Variants in SORCS2 observed in about 807,000 individuals in gnomAD.
SORCS2 encodes sortilin related VPS10 domain containing receptor 2.
A neutral mutation model predicts 141.6 loss-of-function variants in SORCS2; 100 were observed. The observed-to-expected ratio is 0.71, with a 90% CI of 0.60 to 0.83. The LOEUF (loss-of-function observed/expected upper bound fraction) is 0.83, where lower values mean the gene tolerates loss of function less well. Ranked by LOEUF, SORCS2 falls within the 40% of genes least tolerant of loss-of-function variation. The probability of loss-of-function intolerance (pLI) is 0.00; values close to 1 mark genes in which losing one functional copy is unlikely to be tolerated. For synonymous variants in SORCS2, 789 were observed against 676.9 expected (o/e 1.17, Z -2.57); for missense variants, 1,646 against 1,560.2 (o/e 1.05, Z -0.93).
chr4:7,716,647 A>G (rs1726211877), intron 17 of SORCS2, among the ~76,000 whole-genome samples: 1 of 151,512 alleles, frequency 6.6e-6, no homozygotes. Context: ...CTACCCATCC[A>G]TCTATCCATC....
In SORCS2 at chr4:7,481,363, G is replaced by C. The variant is rs573862257; in HGVS notation, c.549-50167G>C. On this transcript the variant is annotated intron_variant, in intron 2 of 26. Coordinates refer to ENST00000507866, the MANE Select transcript of SORCS2 (RefSeq NM_020777.3). ...ACAAGAATGCTGCCAGGCAGGGCTGGGCTCGGTCAGCAGGGAAGGAAAGAG... is the reference window on the plus strand; with the variant it reads ...ACAAGAATGCTGCCAGGCAGGGCTGCGCTCGGTCAGCAGGGAAGGAAAGAG... Among the ~76,000 whole-genome samples the C allele has an allele frequency of 5.9e-5, 9 of 152,350 alleles. No homozygotes were observed. The East Asian group carries it at 1.7e-3, about 29-fold the overall frequency.
At chr4:7,476,213 A>C (rs1730281346) in intron 2 of SORCS2, among the ~76,000 whole-genome samples, 1 of 152,226 alleles carries the variant, frequency 6.6e-6, no homozygotes, top group Non-Finnish European at 1.5e-5. Context: ...GGAGAGATAC[A>C]GATGGAGGGA....
intron 1 of SORCS2, among the ~76,000 whole-genome samples, chr4:7,293,845 A>G (rs1479197026): frequency 6.6e-6 from 1 of 152,074 alleles, no homozygotes; most frequent in African/African-American, 2.4e-5. Flanking sequence ...TCTCTCTTTC[A>G]TTAGTGCTTT....
chr4:7,650,190 T>C (rs1191983318), intron 4 of SORCS2, among the ~76,000 whole-genome samples: 3 of 152,168 alleles, frequency 2.0e-5, no homozygotes, highest in Non-Finnish European at 4.4e-5. Context: ...TGACCCTGGG[T>C]GAATCACTCA....
At chr4:7,393,706 G>A (rs905455813) in intron 1 of SORCS2, among the ~76,000 whole-genome samples, 1 of 152,148 alleles carries the variant, frequency 6.6e-6, no homozygotes, top group Non-Finnish European at 1.5e-5. Flanking sequence ...TGTGGGGCTC[G>A]TCGGTGGCAG....
At chr4:7,305,727 G>A (rs902318670) in intron 1 of SORCS2, among the ~76,000 whole-genome samples, 3 of 152,282 alleles carry the variant, frequency 2.0e-5, no homozygotes, top group African/African-American at 4.8e-5. Flanking sequence ...AGACCTTCTC[G>A]ATGCCGCTTG....
intron 21 of SORCS2, 80 bp downstream of exon 21, chr4:7,726,983 A>G: frequency 6.6e-7 from 1 of 1,506,666 alleles, no homozygotes; most frequent in Non-Finnish European, 8.9e-7. Flanking sequence ...TGGGTCGCGT[A>G]AGCCATGGAT....
intron 3 of SORCS2, among the ~76,000 whole-genome samples, chr4:7,545,399 T>TA (rs1713177501): frequency 1.3e-5 from 2 of 152,160 alleles, no homozygotes; most frequent in Non-Finnish European, 2.9e-5. Flanking sequence ...GATGGAGACT[T>TA]ACCATGTGCT....
chr4:7,351,882 CA>C lies in SORCS2; in HGVS notation c.481-44405del, dbSNP rs779916829. 3.3e-5 allele frequency among the ~76,000 whole-genome samples: 5 copies of C among 152,232 alleles called. No individual in the cohort carries two copies. In the East Asian group the frequency reaches 7.7e-4, roughly 23 times the overall value. On this transcript the variant is annotated intron_variant, in intron 1 of 26. Coordinates refer to ENST00000507866, the MANE Select transcript of SORCS2 (RefSeq NM_020777.3). Reference sequence around the variant, plus strand: ...TCCATTCATCCCCCATCCATTCACCCACTTGTCCACCCAACTGTCTACTGTC... The same window carrying C: ...TCCATTCATCCCCCATCCATTCACCCCTTGTCCACCCAACTGTCTACTGTC...
At chr4:7,368,984 C>A (rs879911474) in intron 1 of SORCS2, among the ~76,000 whole-genome samples, 2 of 152,082 alleles carry the variant, frequency 1.3e-5, no homozygotes, top group Admixed American at 6.6e-5. Flanking sequence ...GTGAGGCCTC[C>A]CCAGCCATGT....
intron 1 of SORCS2, among the ~76,000 whole-genome samples, chr4:7,227,533 C>T (rs1729060052): frequency 6.6e-6 from 1 of 152,092 alleles, no homozygotes; most frequent in African/African-American, 2.4e-5. Context: ...GGTGGGCTTT[C>T]TTGAGATTTG....
intron 1 of SORCS2, among the ~76,000 whole-genome samples, chr4:7,217,416 G>A (rs958696981): frequency 6.6e-6 from 1 of 152,196 alleles, no homozygotes; most frequent in Non-Finnish European, 1.5e-5. Flanking sequence ...TAACCAACTC[G>A]CCTGGCTCGT....
intron 1 of SORCS2, among the ~76,000 whole-genome samples, chr4:7,373,478 A>AATTTTTTTTTTTTT (rs1722401599): frequency 2.7e-5 from 1 of 36,824 alleles, no homozygotes; most frequent in African/African-American, 1.6e-4. Context: ...ATATATATAT[A>AATTTTTTTTTTTTT]TTTTTTTTTT....
chr4:7,283,228 G>C (rs538181564), intron 1 of SORCS2, among the ~76,000 whole-genome samples: 1 of 152,348 alleles, frequency 6.6e-6, no homozygotes, highest in Admixed American at 6.5e-5. Context: ...ATGCATGTGT[G>C]ATATGACATA....
chr4:7,532,087 A>T lies in SORCS2; in HGVS notation c.648+458A>T, dbSNP rs1298732554. Among the ~76,000 whole-genome samples the T allele has an allele frequency of 2.0e-5, 3 of 152,106 alleles. No individual in the cohort carries two copies. In the East Asian group the frequency reaches 5.8e-4, roughly 29 times the overall value. On this transcript the variant is annotated intron_variant, in intron 3 of 26. Transcript: ENST00000507866. The stretch of plus-strand genomic sequence containing the variant: ...CTTGCTGTTTCCTGGGTCTGGGGGA[A>T]CTTCCTGACTTTGCTCTCTGGCTGG...
rs572763070 is a variant in SORCS2, at chr4:7,402,609, A to C, written c.548+6254A>C. ...CACTCCAATCAGGGCTGCAGCGAGCACCTGTGAACACGTCTCCAGTCAGAT... is the reference window on the plus strand; with the variant it reads ...CACTCCAATCAGGGCTGCAGCGAGCCCCTGTGAACACGTCTCCAGTCAGAT... On this transcript the variant is annotated intron_variant, in intron 2 of 26. Coordinates refer to ENST00000507866, the MANE Select transcript of SORCS2 (RefSeq NM_020777.3). Among the ~76,000 whole-genome samples the C allele has an allele frequency of 7.2e-5, 11 of 152,336 alleles. 1 individual carries two copies. In the South Asian group the frequency reaches 1.9e-3, roughly 26 times the overall value.
intron 1 of SORCS2, among the ~76,000 whole-genome samples, chr4:7,260,030 A>G (rs1248259643): frequency 3.3e-5 from 5 of 152,180 alleles, no homozygotes; most frequent in Non-Finnish European, 5.9e-5. Context: ...GCTGCCCACC[A>G]TACCCCTCTC....
At chr4:7,408,320 A>G (rs930603565) in intron 2 of SORCS2, among the ~76,000 whole-genome samples, 2 of 152,094 alleles carry the variant, frequency 1.3e-5, no homozygotes, top group African/African-American at 4.8e-5. Flanking sequence ...GTTTGTCTAG[A>G]AAAGACGATA....
chr4:7,444,551 G>A (rs73086357), intron 2 of SORCS2, among the ~76,000 whole-genome samples: 26,863 of 152,198 alleles, frequency 0.18, 2,561 homozygotes, highest in Middle Eastern at 0.3. Context: ...AGACTTGAGC[G>A]GAGTGATGGG....
Sources: gnomAD v4.1 joint callset for allele counts (sites outside exome capture counted in the v4.1 genomes callset) on GRCh38, gnomAD v4.1.1 for gene constraint, MANE v1.5 for transcripts, NCBI Gene and HGNC (gene_info 2026-07-23, HGNC 2026-07-21) for gene names.